Variants in ANKFY1 observed in about 807,000 individuals in gnomAD.
The protein encoded by ANKFY1 is ankyrin repeat and FYVE domain-containing protein 1.
ANKFY1 carries 47 observed loss-of-function variants against 128.3 expected under a neutral mutation model. The ratio of observed to expected loss-of-function variants is 0.37; its 90% CI spans 0.29 to 0.47. The LOEUF (loss-of-function observed/expected upper bound fraction) is 0.47, where lower values mean the gene tolerates loss of function less well. Among genes scored for constraint, ANKFY1 ranks in the 20% least tolerant of loss-of-function variants. The probability of loss-of-function intolerance (pLI) is 1.00; values close to 1 mark genes in which losing one functional copy is unlikely to be tolerated. For missense variants in ANKFY1, 1,222 were observed against 1,510.6 expected (o/e 0.81, Z 3.17); for synonymous variants, 553 against 601.6 (o/e 0.92, Z 1.18).
At chr17:4,224,335 G>A (rs568192963) in intron 3 of ANKFY1, among the ~76,000 whole-genome samples, 6 of 142,074 alleles carry the variant, frequency 4.2e-5, no homozygotes, top group South Asian at 4.8e-4. Context: ...CCATTCTCCC[G>A]CCTCAGCCTC....
rs2060233288 is a variant in ANKFY1, at chr17:4,217,121, G to A, written c.323-3C>T. On this transcript the variant is annotated splice_polypyrimidine_tract_variant and splice_region_variant and intron_variant, in intron 3 of 24. Coordinates refer to ENST00000341657, the MANE Select transcript of ANKFY1 (RefSeq NM_001330063.2). ...CATCGTCACCTCAGGATTAGCATCT[G>A]GTTAAAGAAAGAGAGAACAACTGAA... The A allele has an allele frequency of 6.2e-7, 1 of 1,607,000 alleles. No individual in the cohort carries two copies. Among genetic ancestry groups the A allele is most frequent in the Non-Finnish European group, 8.5e-7 (1 of 1,175,254 alleles).
rs142846061 is a variant in ANKFY1 at position 4,240,644 on chromosome 17, G to A, written c.203+1612C>T. ...TGACCTCAGGTGATCCATCTGCCTC[G>A]GCCTCCCAAACTGCTGGGATTACAG... On this transcript the variant is annotated intron_variant, in intron 2 of 24. Coordinates refer to ENST00000341657, the MANE Select transcript of ANKFY1 (RefSeq NM_001330063.2). Among the ~76,000 whole-genome samples the A allele has an allele frequency of 5.4e-3, 824 of 152,160 alleles. 4 individuals carry two copies. The highest frequency in any genetic ancestry group is 0.019 in the African/African-American group (791 of 41,524).
At chr17:4,200,063 A>T (rs1246488857) in intron 7 of ANKFY1, among the ~76,000 whole-genome samples, 12 of 142,918 alleles carry the variant, frequency 8.4e-5, no homozygotes, top group Non-Finnish European at 1.8e-4. Context: ...GGTTTTGGGG[A>T]TTTTTTTTTT....
intron 3 of ANKFY1, among the ~76,000 whole-genome samples, chr17:4,217,502 G>A (rs1318111038): frequency 6.6e-6 from 1 of 152,058 alleles, no homozygotes; most frequent in South Asian, 2.1e-4. Context: ...AGCAGAGATT[G>A]AGCCACTGCA....
intron 7 of ANKFY1, among the ~76,000 whole-genome samples, chr17:4,200,841 T>C (rs559506797): frequency 6.6e-6 from 1 of 152,336 alleles, no homozygotes; most frequent in East Asian, 1.9e-4. Flanking sequence ...AAAGTTTTCC[T>C]TTCATATCTT....
rs1242604798 is a variant in ANKFY1 at position 4,225,214 on chromosome 17, G to A, written c.323-8096C>T. On this transcript the variant is annotated intron_variant, in intron 3 of 24. Transcript: ENST00000341657. ...TCTACTAAAATTACAAAAAGTAGCC[G>A]AGCGTAGTGGTGCATGCCTGTAATC... Among the ~76,000 whole-genome samples the A allele has an allele frequency of 2.6e-5, 4 of 152,006 alleles. No homozygotes were observed. The East Asian group carries it at 5.8e-4, about 22-fold the overall frequency.
intron 21 of ANKFY1, 125 bp from the exon 22 acceptor site, chr17:4,172,805 T>C (rs2059345240): frequency 3.1e-6 from 4 of 1,308,188 alleles, no homozygotes; most frequent in Non-Finnish European, 4.1e-6. Flanking sequence ...GTCACAAAAG[T>C]TTTTCTTTTT....
intron 3 of ANKFY1, among the ~76,000 whole-genome samples, chr17:4,220,031 G>T (rs2060283368): frequency 6.6e-6 from 1 of 152,160 alleles, no homozygotes; most frequent in Non-Finnish European, 1.5e-5. Flanking sequence ...CACCATGTTA[G>T]CCAGACTGGT....
At chr17:4,187,108 G>A in intron 11 of ANKFY1, 1 of 886,394 alleles carries the variant, frequency 1.1e-6, no homozygotes, top group East Asian at 3.3e-5. Context: ...CACCTGAGCA[G>A]TGTACACTGT....
chr17:4,216,379 A>G (rs2060221015), intron 4 of ANKFY1: 1 of 160,824 alleles, frequency 6.2e-6, no homozygotes, highest in Non-Finnish European at 1.4e-5. Context: ...ACGCTCCCGG[A>G]CATCTCGTCT....
intron 3 of ANKFY1, among the ~76,000 whole-genome samples, chr17:4,232,719 A>C (rs1375130899): frequency 6.6e-6 from 1 of 152,178 alleles, no homozygotes; most frequent in Non-Finnish European, 1.5e-5. Flanking sequence ...GCCAGACAGC[A>C]CTGAATTAAG....
intron 3 of ANKFY1, among the ~76,000 whole-genome samples, chr17:4,232,793 A>G (rs1435177071): frequency 1.3e-5 from 2 of 152,230 alleles, no homozygotes; most frequent in Admixed American, 6.5e-5. Context: ...AGTGTAAAGC[A>G]AAATTTTTTA....
intron 3 of ANKFY1, chr17:4,223,486 G>A: frequency 8.7e-7 from 1 of 1,145,344 alleles, no homozygotes; most frequent in Non-Finnish European, 1.3e-6. Context: ...CCGTCTCATG[G>A]ACTATCACTG....
In ANKFY1 at chr17:4,182,377, C is replaced by T. The variant is rs200104984; in HGVS notation, c.1953-28G>A. ...GCTAGGACATGCACACCCAAACCAA[C>T]GTTTGTGGTTGAACCCAAAGCACAG... On this transcript the variant is annotated intron_variant, in intron 14 of 24. Coordinates refer to ENST00000341657, the MANE Select transcript of ANKFY1 (RefSeq NM_001330063.2). 408 of 1,491,656 alleles carry T rather than the reference C, an allele frequency of 2.7e-4. 3 individuals are homozygous for T. The South Asian group carries it at 4.0e-3, about 15-fold the overall frequency. 92.4% of individuals were successfully genotyped at this position (1,491,656 alleles called of 1,614,324 possible).
chr17:4,195,432 A>T lies in ANKFY1; in HGVS notation c.1143T>A (p.Tyr381Ter). The T allele has an allele frequency of 6.2e-7, 1 of 1,614,138 alleles. No individual in the cohort carries two copies. Among genetic ancestry groups the T allele is most frequent in the Non-Finnish European group, 8.5e-7 (1 of 1,180,032 alleles). ...LHVSIMAGNE[Y>*]VFSQLLQCKQ... ...TGCACTGCAGCAGCTGACTGAACAC[A>T]TATTCATTCCCGGCCATGATGGACA... Residue 381 changes from tyrosine to a stop codon, truncating the protein, a stop_gained, in exon 9 of 25, where the codon TAT (tyrosine) becomes TAA (stop). Transcript: ENST00000341657. LOFTEE classifies it high-confidence loss of function.
intron 3 of ANKFY1, among the ~76,000 whole-genome samples, chr17:4,235,326 G>C (rs1188964228): frequency 7.9e-6 from 1 of 126,626 alleles, no homozygotes; most frequent in Non-Finnish European, 1.7e-5. Context: ...GGGTAACAGA[G>C]TGAGACTCTG....
intron 1 of ANKFY1, among the ~76,000 whole-genome samples, chr17:4,254,076 T>C (rs1262750117): frequency 6.6e-6 from 1 of 151,918 alleles, no homozygotes; most frequent in Non-Finnish European, 1.5e-5. Context: ...GAAGCCAAGG[T>C]AGGCAGATCA....
chr17:4,178,785 T>C lies in ANKFY1; in HGVS notation c.2598+72A>G. On this transcript the variant is annotated intron_variant, in intron 18 of 24. Transcript: ENST00000341657. The surrounding 1 kb of genome is among the most constrained non-coding windows in gnomAD (Gnocchi z 4.1). ...TCCATGAGGAGACCTGTTTAGTCGG[T>C]GACATCTGTCTAGTCTCCAGGTTCC... 2.1e-6 allele frequency: 3 copies of C among 1,430,834 alleles called. No homozygotes were observed. In the South Asian group the frequency reaches 3.5e-5, roughly 17 times the overall value. The allele number at this position is 1,430,834 out of a possible 1,614,324, so 88.6% of individuals were successfully genotyped here. A position where few individuals can be genotyped will look rare whatever the true frequency, so the allele number is the denominator to read the frequency against.
intron 1 of ANKFY1, among the ~76,000 whole-genome samples, chr17:4,253,073 A>G (rs1421961011): frequency 6.6e-6 from 1 of 152,158 alleles, no homozygotes; most frequent in Non-Finnish European, 1.5e-5. Context: ...TACAAAAATT[A>G]GCCGGACCAG....
Sources: gnomAD v4.1 joint callset for allele counts (sites outside exome capture counted in the v4.1 genomes callset) on GRCh38, gnomAD v4.1.1 for gene constraint, Gnocchi (gnomAD v3.1) non-coding constraint, MANE v1.5 for transcripts, NCBI Gene and HGNC (gene_info 2026-07-23, HGNC 2026-07-21) for gene names.